SLC7A6: variants seen among roughly 807,000 people sequenced by gnomAD.
SLC7A6 encodes the protein solute carrier family 7 member 6.
SLC7A6 carries 29 observed loss-of-function variants against 46.6 expected under a neutral mutation model. The ratio of observed to expected loss-of-function variants is 0.62; its 90% CI spans 0.46 to 0.85. The LOEUF is 0.85. Among genes scored for constraint, SLC7A6 ranks in the 40% least tolerant of loss-of-function variants. The pLI is 0.00. For missense variants in SLC7A6, 527 were observed against 647.6 expected (o/e 0.81, Z 2.02); for synonymous variants, 276 against 257.3 (o/e 1.07, Z -0.70).
At chr16:68,280,254 G>A (rs1010917074) in intron 3 of SLC7A6, among the ~76,000 whole-genome samples, 1 of 152,186 alleles carries the variant, frequency 6.6e-6, no homozygotes, top group Admixed American at 6.5e-5. Context: ...TGAAATTGAG[G>A]CATGAGAGGG....
At chr16:68,282,397 C>G (rs758937579) in intron 3 of SLC7A6, among the ~76,000 whole-genome samples, 1 of 151,982 alleles carries the variant, frequency 6.6e-6, no homozygotes, top group Non-Finnish European at 1.5e-5. Context: ...AGCAAGAACT[C>G]GTCTCTTAAA....
chr16:68,294,644 A>C (rs1597008821), intron 7 of SLC7A6, 61 bp from the exon 8 acceptor site: 1 of 1,199,898 alleles, frequency 8.3e-7, no homozygotes, highest in South Asian at 1.2e-5. Context: ...CCAAGTGAGG[A>C]GTGAGTATGG....
At position 68,291,255 on chromosome 16, in the gene SLC7A6, A is replaced by G; in HGVS notation, c.841A>G (p.Ile281Val). 1.2e-6 allele frequency: 2 copies of G among 1,614,248 alleles called. No homozygotes were observed. The highest frequency in any genetic ancestry group is 1.7e-6 in the Non-Finnish European group (2 of 1,180,048). ...IGISMPIVTL[I>V]YILTNVAYYT... ...GATTTCTATGCCAATTGTGACGCTCATCTACATCCTGACCAATGTGGCCTA... is the reference window on the plus strand; with the variant it reads ...GATTTCTATGCCAATTGTGACGCTCGTCTACATCCTGACCAATGTGGCCTA... The change falls in exon 6 of 11, where the codon ATC becomes GTC. Residue 281 changes from isoleucine (I) to valine (V), a missense_variant. Coordinates refer to ENST00000219343, the MANE Select transcript of SLC7A6 (RefSeq NM_003983.6).
chr16:68,270,198 C>A (rs908409855), intron 2 of SLC7A6, among the ~76,000 whole-genome samples: 2 of 114,054 alleles, frequency 1.8e-5, no homozygotes, highest in African/African-American at 3.5e-5. Flanking sequence ...TTGTCTGGTT[C>A]AGCCTCAGTC....
Position 68,297,740 on chromosome 16 carries a change from C to T in SLC7A6, c.*412C>T, listed in dbSNP as rs1225419150. On this transcript the variant is annotated 3_prime_UTR_variant, in exon 11 of 11. Transcript: ENST00000219343. ...TGGGAAGTTTTTCTCTGACCAGGTA[C>T]AACACCTGACTTTAAAGGCCTGAAA... 1 of 156,206 alleles carries T rather than the reference C, an allele frequency of 6.4e-6. No homozygotes were observed. The highest frequency in any genetic ancestry group is 1.4e-5 in the Non-Finnish European group (1 of 70,674). The allele number at this position is 156,206 out of a possible 1,614,324, so 9.7% of individuals were successfully genotyped here.
intron 7 of SLC7A6, among the ~76,000 whole-genome samples, chr16:68,293,960 CG>C (rs2043109704): frequency 6.6e-6 from 1 of 152,046 alleles, no homozygotes; most frequent in African/African-American, 2.4e-5. Context: ...TGCAATGGTG[CG>C]ATCTCGGCTC....
At chr16:68,272,078 C>T (rs1255090432) in intron 2 of SLC7A6, among the ~76,000 whole-genome samples, 4 of 152,202 alleles carry the variant, frequency 2.6e-5, no homozygotes, top group Non-Finnish European at 5.9e-5. Flanking sequence ...GCTGGGATTA[C>T]AGGCGTGAGC....
intron 2 of SLC7A6, among the ~76,000 whole-genome samples, chr16:68,268,999 C>T (rs556419630): frequency 6.6e-6 from 1 of 151,944 alleles, no homozygotes; most frequent in African/African-American, 2.4e-5. Context: ...GAGCGAAACT[C>T]CGTCTAAAAA....
In SLC7A6 at chr16:68,264,588, G is replaced by T; in HGVS notation, c.-166+12G>T. 1 of 152,568 alleles carries T rather than the reference G, an allele frequency of 6.6e-6. No homozygotes were observed. The highest frequency in any genetic ancestry group is 1.9e-4 in the South Asian group (1 of 5,286). 9.5% of individuals were successfully genotyped at this position (152,568 alleles called of 1,614,324 possible). On this transcript the variant is annotated intron_variant, in intron 1 of 10. Transcript: ENST00000219343. This position sits in a 1 kb window ranked among gnomAD's most constrained non-coding sequence, Gnocchi z 5.8. ...CGGGCCACTGGGAGGTAACGGGCTG[G>T]GCCATGGGCGGGCGCGCCGGGAGCG...
chr16:68,290,743 C>G (rs573457755), intron 5 of SLC7A6: 1 of 625,358 alleles, frequency 1.6e-6, no homozygotes, highest in Non-Finnish European at 2.7e-6. Flanking sequence ...TCCTCACGTT[C>G]GCACTGGAGG....
At chr16:68,276,763 T>C (rs900941745) in intron 3 of SLC7A6, among the ~76,000 whole-genome samples, 2 of 152,096 alleles carry the variant, frequency 1.3e-5, no homozygotes, top group Non-Finnish European at 2.9e-5. Context: ...TTTGGGAGGC[T>C]GAGGTAGGAG....
rs1364878946 is a variant in SLC7A6, at chr16:68,298,807, A to G, written c.*1479A>G. ...GAGCAGGACGGCTGCATTGGATTGT[A>G]CAACTGTTTTGTGATGCCCCCAGAC... On this transcript the variant is annotated 3_prime_UTR_variant, in exon 11 of 11. Coordinates refer to ENST00000219343, the MANE Select transcript of SLC7A6 (RefSeq NM_003983.6). The G allele has an allele frequency of 6.6e-6, 1 of 152,364 alleles. No homozygotes were observed. Among genetic ancestry groups the G allele is most frequent in the Non-Finnish European group, 1.5e-5 (1 of 68,106 alleles). 9.4% of individuals were successfully genotyped at this position (152,364 alleles called of 1,614,324 possible).
chr16:68,283,449 C>A (rs2042865140), intron 3 of SLC7A6, among the ~76,000 whole-genome samples: 1 of 152,154 alleles, frequency 6.6e-6, no homozygotes, highest in Non-Finnish European at 1.5e-5. Flanking sequence ...TTTCTGAGGT[C>A]TTATATGAAA....
At chr16:68,283,840 C>A (rs1207335400) in intron 3 of SLC7A6, among the ~76,000 whole-genome samples, 1 of 152,178 alleles carries the variant, frequency 6.6e-6, no homozygotes, top group Non-Finnish European at 1.5e-5. Context: ...TAGCATCTGG[C>A]TTTAAGGCCC....
intron 3 of SLC7A6, among the ~76,000 whole-genome samples, chr16:68,285,576 C>G (rs1436636373): frequency 6.6e-6 from 1 of 152,170 alleles, no homozygotes; most frequent in Non-Finnish European, 1.5e-5. Context: ...TGTTACTGGC[C>G]AGTGTACTGA....
chr16:68,266,260 CA>C (rs563793476), intron 1 of SLC7A6, among the ~76,000 whole-genome samples: 3 of 149,324 alleles, frequency 2.0e-5, no homozygotes, highest in South Asian at 2.1e-4. Context: ...ACTCCATCTC[CA>C]AAAAAAAAGA....
rs1240700515 is a variant in SLC7A6 at position 68,301,484 on chromosome 16, G to A, written c.*4156G>A. On this transcript the variant is annotated 3_prime_UTR_variant, in exon 11 of 11. Coordinates refer to ENST00000219343, the MANE Select transcript of SLC7A6 (RefSeq NM_003983.6). ...AGGAGCCCCTTCTCTTCTCAGAAAGGTCTGTTTTTGTTCCCGATTGTAATG... is the reference window on the plus strand; with the variant it reads ...AGGAGCCCCTTCTCTTCTCAGAAAGATCTGTTTTTGTTCCCGATTGTAATG... The A allele has an allele frequency of 7.7e-7, 1 of 1,295,108 alleles. No individual in the cohort carries two copies. The highest frequency in any genetic ancestry group is 2.5e-5 in the East Asian group (1 of 39,920). 80.2% of individuals were successfully genotyped at this position (1,295,108 alleles called of 1,614,324 possible). A position where few individuals can be genotyped will look rare whatever the true frequency, so the allele number is the denominator to read the frequency against.
At chr16:68,290,351 C>G (rs765534841) in intron 4 of SLC7A6, 45 bp from the exon 5 acceptor site, 43 of 1,610,622 alleles carry the variant, frequency 2.7e-5, no homozygotes, top group South Asian at 8.8e-5. Flanking sequence ...TCTCCTTTGG[C>G]CTGTTCCTTC....
chr16:68,268,851 C>CA (rs1452132159), intron 2 of SLC7A6, among the ~76,000 whole-genome samples: 1 of 151,792 alleles, frequency 6.6e-6, no homozygotes, highest in African/African-American at 2.4e-5. Context: ...CTACTAAATA[C>CA]AAAAAATTAG....
Sources: allele counts gnomAD v4.1 joint callset (sites outside exome capture counted in the v4.1 genomes callset), GRCh38; gene constraint gnomAD v4.1.1; non-coding constraint Gnocchi (gnomAD v3.1); transcripts MANE v1.5; gene names NCBI Gene and HGNC (gene_info 2026-07-23, HGNC 2026-07-21).